SCN8A: variants seen among roughly 807,000 people sequenced by gnomAD.
SCN8A encodes the protein sodium voltage-gated channel alpha subunit 8.
Under a neutral mutation model 184.1 loss-of-function variants are expected in SCN8A, and 30 were observed. The observed-to-expected ratio is 0.16, with a 90% CI of 0.12 to 0.22. The LOEUF is 0.22. Among genes scored for constraint, SCN8A ranks in the 10% least tolerant of loss-of-function variants. The pLI, the probability that SCN8A is intolerant of heterozygous loss-of-function variation, is 1.00. For synonymous variants in SCN8A, 852 were observed against 907.0 expected (o/e 0.94, Z 1.09); for missense variants, 1,057 against 2,498.9 (o/e 0.42, Z 12.30).
chr12:51,764,600 A>C (rs1207092566), intron 15 of SCN8A, among the ~76,000 whole-genome samples: 1 of 152,102 alleles, frequency 6.6e-6, no homozygotes, highest in Non-Finnish European at 1.5e-5. Context: ...ACGTTGCTGC[A>C]CACCAGCCTG....
At chr12:51,677,490 A>C (rs1434387480) in intron 2 of SCN8A, among the ~76,000 whole-genome samples, 1 of 152,008 alleles carries the variant, frequency 6.6e-6, no homozygotes, top group Non-Finnish European at 1.5e-5. Context: ...CAGTCCTGTG[A>C]TGACTGTGTG....
At chr12:51,776,665 G>C (rs1476958867) in intron 20 of SCN8A, among the ~76,000 whole-genome samples, 1 of 152,186 alleles carries the variant, frequency 6.6e-6, no homozygotes, top group Non-Finnish European at 1.5e-5. Context: ...TTGAATTGTG[G>C]ATGAACAATT....
intron 26 of SCN8A, among the ~76,000 whole-genome samples, chr12:51,795,284 G>A (rs951874253): frequency 2.0e-5 from 3 of 152,240 alleles, no homozygotes; most frequent in African/African-American, 7.2e-5. Flanking sequence ...AACAGTGACT[G>A]TGTGCATTTT....
At chr12:51,765,059 G>A (rs1565916280) in intron 15 of SCN8A, among the ~76,000 whole-genome samples, 1 of 152,090 alleles carries the variant, frequency 6.6e-6, no homozygotes, top group Non-Finnish European at 1.5e-5. Context: ...ACAGGCATGA[G>A]CCACTGCACC....
chr12:51,678,061 C>T (rs1941255643), intron 2 of SCN8A, among the ~76,000 whole-genome samples: 1 of 152,162 alleles, frequency 6.6e-6, no homozygotes, highest in Admixed American at 6.5e-5. Context: ...CGAGAGAGGA[C>T]AAATGTCCTT....
At chr12:51,786,963 C>T in intron 22 of SCN8A, 137 bp downstream of exon 22, 1 of 848,800 alleles carries the variant, frequency 1.2e-6, no homozygotes, top group Non-Finnish European at 1.8e-6. Context: ...AGTATTGTTC[C>T]CCAAACCAGT....
rs190504743 is a variant in SCN8A, at chr12:51,695,595, G to A, written c.707-3975G>A. 3.9e-5 allele frequency among the ~76,000 whole-genome samples: 6 copies of A among 152,310 alleles called. No individual in the cohort carries two copies. The East Asian group carries it at 9.6e-4, about 24-fold the overall frequency. ...AAGCCAGTAGAAACCAGAATGCAGA[G>A]CCAGAAAGCCACAGGTACAAGGAAG... On this transcript the variant is annotated intron_variant, in intron 6 of 26. Coordinates refer to ENST00000627620, the MANE Select transcript of SCN8A (RefSeq NM_001330260.2).
At chr12:51,764,614 G>C (rs372351193) in intron 15 of SCN8A, among the ~76,000 whole-genome samples, 1 of 151,888 alleles carries the variant, frequency 6.6e-6, no homozygotes, top group African/African-American at 2.4e-5. Context: ...CAGCCTGGGC[G>C]GCAGAGTGAG....
chr12:51,606,058 C>T lies in SCN8A; in HGVS notation c.-55+14699C>T, dbSNP rs941019447. ...CTCTGTGGGTTGTCTGTTTACTCTG[C>T]TGACTTCCTTGTGCCGTGCAAAAGC... On this transcript the variant is annotated intron_variant, in intron 1 of 26. Transcript: ENST00000627620. 2.3e-4 allele frequency among the ~76,000 whole-genome samples: 35 copies of T among 152,214 alleles called. 1 individual carries two copies. Among genetic ancestry groups the T allele is most frequent in the Non-Finnish European group, 1.0e-4 (7 of 67,976 alleles).
chr12:51,747,007 A>C (rs973457002), intron 13 of SCN8A, among the ~76,000 whole-genome samples: 3 of 152,046 alleles, frequency 2.0e-5, no homozygotes, highest in Admixed American at 6.6e-5. Context: ...CTGAGACAGG[A>C]AAACTCAAAA....
In SCN8A at chr12:51,702,006, G is replaced by A. The variant is rs139063069; in HGVS notation, c.993-767G>A. ...CCCCCTTGACTTAGGTTGTCACAGT[G>A]AGTGTAAAGAAAACAAATGATTAAG... On this transcript the variant is annotated intron_variant, in intron 8 of 26. Coordinates refer to ENST00000627620, the MANE Select transcript of SCN8A (RefSeq NM_001330260.2). Among the ~76,000 whole-genome samples the A allele has an allele frequency of 5.5e-3, 840 of 152,186 alleles. 8 individuals are homozygous for A. The highest frequency in any genetic ancestry group is 0.019 in the African/African-American group (806 of 41,504).
intron 13 of SCN8A, among the ~76,000 whole-genome samples, chr12:51,747,463 A>C (rs1203075533): frequency 6.6e-6 from 1 of 152,216 alleles, no homozygotes; most frequent in Non-Finnish European, 1.5e-5. Flanking sequence ...ATTCACATAG[A>C]GACCAAGACA....
intron 6 of SCN8A, among the ~76,000 whole-genome samples, chr12:51,694,972 A>C (rs1941569581): frequency 6.6e-6 from 1 of 152,254 alleles, no homozygotes; most frequent in African/African-American, 2.4e-5. Flanking sequence ...AATGCAAGGA[A>C]GAAGAGTCTT....
intron 2 of SCN8A, among the ~76,000 whole-genome samples, chr12:51,667,644 A>G (rs1464990459): frequency 6.6e-6 from 1 of 152,240 alleles, no homozygotes; most frequent in Admixed American, 6.5e-5. Flanking sequence ...TAATTTGTTG[A>G]ATACAAAATG....
chr12:51,651,730 G>T (rs1592356142), intron 1 of SCN8A, among the ~76,000 whole-genome samples: 1 of 152,206 alleles, frequency 6.6e-6, no homozygotes, highest in Non-Finnish European at 1.5e-5. Flanking sequence ...AACCATATCA[G>T]TGGATATCTC....
chr12:51,652,941 T>TG (rs1940747498), intron 1 of SCN8A, among the ~76,000 whole-genome samples: 1 of 152,156 alleles, frequency 6.6e-6, no homozygotes, highest in South Asian at 2.1e-4. Context: ...TGGCATATGT[T>TG]GGGGGGCATA....
At chr12:51,595,925 G>A (rs913373899) in intron 1 of SCN8A, among the ~76,000 whole-genome samples, 4 of 152,160 alleles carry the variant, frequency 2.6e-5, no homozygotes, top group African/African-American at 9.7e-5. Flanking sequence ...TGCTCTGCTG[G>A]CTTCCACCAA....
At chr12:51,762,170 A>G (rs1469803293) in intron 14 of SCN8A, among the ~76,000 whole-genome samples, 1 of 152,218 alleles carries the variant, frequency 6.6e-6, no homozygotes, top group Non-Finnish European at 1.5e-5. Context: ...TATACATTCA[A>G]AATGACTGCT....
chr12:51,779,230 A>AAAAAC (rs1449563756), intron 20 of SCN8A, among the ~76,000 whole-genome samples: 1 of 151,600 alleles, frequency 6.6e-6, no homozygotes, highest in African/African-American at 2.4e-5. Flanking sequence ...AAAAAAAAAA[A>AAAAAC]AAAAAAATAG....
Sources: allele counts gnomAD v4.1 joint callset (sites outside exome capture counted in the v4.1 genomes callset), GRCh38; gene constraint gnomAD v4.1.1; transcripts MANE v1.5; gene names NCBI Gene and HGNC (gene_info 2026-07-23, HGNC 2026-07-21).